CAPN13: variants seen among roughly 807,000 people sequenced by gnomAD.
CAPN13 encodes calpain-13.
CAPN13 carries 90 observed loss-of-function variants against 98.4 expected under a neutral mutation model. That is an observed-to-expected ratio of 0.92 (90% CI 0.77 to 1.09). The LOEUF (loss-of-function observed/expected upper bound fraction) is 1.09, where lower values mean the gene tolerates loss of function less well. CAPN13 is among the 50% of genes least tolerant of loss of function. The pLI is 0.00. For missense variants in CAPN13, 887 were observed against 841.3 expected, an observed-to-expected ratio of 1.05 and a Z score of -0.67; for synonymous variants, 330 against 305.5, an observed-to-expected ratio of 1.08 and a Z score of -0.84.
At chr2:30,788,983 A>C (rs2148078010) in intron 1 of CAPN13, among the ~76,000 whole-genome samples, 1 of 152,316 alleles carries the variant, frequency 6.6e-6, no homozygotes, top group Middle Eastern at 3.4e-3. Context: ...ATAGGGTTTA[A>C]CCTAAGGTAA....
intron 22 of CAPN13, among the ~76,000 whole-genome samples, chr2:30,726,326 G>A (rs1012930006): frequency 6.6e-6 from 1 of 152,190 alleles, no homozygotes; most frequent in Non-Finnish European, 1.5e-5. Context: ...CCAAGATCAG[G>A]AACACAAGGT....
intron 5 of CAPN13, among the ~76,000 whole-genome samples, chr2:30,766,443 G>C (rs1183846550): frequency 6.6e-6 from 1 of 152,254 alleles, no homozygotes; most frequent in East Asian, 1.9e-4. Flanking sequence ...CAGCAGCTGG[G>C]TGTTTTGACA....
intron 5 of CAPN13, among the ~76,000 whole-genome samples, chr2:30,765,056 C>T (rs528172207): frequency 1.3e-5 from 2 of 152,254 alleles, no homozygotes; most frequent in African/African-American, 4.8e-5. Flanking sequence ...TTCCTGCCAC[C>T]CCACCTCCAC....
At chr2:30,800,771 T>G (rs1021876177) in intron 1 of CAPN13, among the ~76,000 whole-genome samples, 5 of 152,226 alleles carry the variant, frequency 3.3e-5, no homozygotes, top group Admixed American at 1.3e-4. Flanking sequence ...GAAACTTGTC[T>G]TTGCATGGAA....
At chr2:30,795,690 C>T (rs1028828427) in intron 1 of CAPN13, among the ~76,000 whole-genome samples, 1 of 152,010 alleles carries the variant, frequency 6.6e-6, no homozygotes. Context: ...ATATCTTCTC[C>T]CAGTTTGTGG....
At chr2:30,743,227 C>T in intron 13 of CAPN13, 156 bp downstream of exon 13, 5 of 711,554 alleles carry the variant, frequency 7.0e-6, no homozygotes, top group South Asian at 5.2e-5. Context: ...TCTCGCTCCC[C>T]CTTTATGGTG....
intron 5 of CAPN13, among the ~76,000 whole-genome samples, chr2:30,766,102 G>A (rs1259727926): frequency 2.0e-5 from 3 of 152,196 alleles, no homozygotes; most frequent in Non-Finnish European, 4.4e-5. Context: ...ACTGGGGTTT[G>A]GGAACCCATT....
At chr2:30,743,614 GCCT>G in intron 12 of CAPN13, 35 bp from the exon 13 acceptor site, 1 of 1,603,822 alleles carries the variant, frequency 6.2e-7, no homozygotes, top group Non-Finnish European at 8.5e-7. Context: ...TTGTGAGAAA[GCCT>G]CCTCTGTGCA....
chr2:30,753,550 C>G (rs1474620717), intron 9 of CAPN13, among the ~76,000 whole-genome samples: 3 of 152,164 alleles, frequency 2.0e-5, no homozygotes, highest in African/African-American at 7.2e-5. Flanking sequence ...AATTGCTTTT[C>G]CCCTAGGGTG....
Position 30,738,417 on chromosome 2 carries a change from T to C in CAPN13, c.1577A>G (p.Asn526Ser). Reference protein sequence around the residue: ...IDATQLQGLLNQELLTGPPGD... With the variant: ...IDATQLQGLLSQELLTGPPGD... Reference sequence around the variant, plus strand: ...GCTCATACCTGTTAGAAGCTCCTGGTTGAGAAGGCCCTGAAGCTGGGTGGC... The same window carrying C: ...GCTCATACCTGTTAGAAGCTCCTGGCTGAGAAGGCCCTGAAGCTGGGTGGC... The change falls in exon 16 of 23, where the codon AAC (asparagine) becomes AGC (serine). Residue 526 changes from asparagine (N) to serine (S), a missense_variant. Physicochemically the swap from Asn to Ser is conservative, Grantham distance 46. Transcript: ENST00000295055. 2 of 1,608,650 alleles carry C rather than the reference T, an allele frequency of 1.2e-6. No individual in the cohort carries two copies. Among genetic ancestry groups the C allele is most frequent in the Non-Finnish European group, 1.7e-6 (2 of 1,177,320 alleles).
At chr2:30,751,464 A>C (rs904742526) in intron 10 of CAPN13, among the ~76,000 whole-genome samples, 1 of 152,264 alleles carries the variant, frequency 6.6e-6, no homozygotes, top group African/African-American at 2.4e-5. Context: ...GAGGTTGTAT[A>C]GTCCCTACTG....
intron 4 of CAPN13, among the ~76,000 whole-genome samples, chr2:30,775,256 G>A (rs1043166175): frequency 1.3e-5 from 2 of 151,964 alleles, no homozygotes; most frequent in Non-Finnish European, 2.9e-5. Context: ...ATTTACATGA[G>A]CCACAAAATC....
intron 2 of CAPN13, among the ~76,000 whole-genome samples, chr2:30,782,254 A>G (rs1208226807): frequency 2.0e-5 from 3 of 152,124 alleles, no homozygotes; most frequent in African/African-American, 4.8e-5. Context: ...ACATCCTCAC[A>G]CGGCATGCCG....
At chr2:30,778,967 G>A (rs1673843594) in intron 2 of CAPN13, among the ~76,000 whole-genome samples, 1 of 152,206 alleles carries the variant, frequency 6.6e-6, no homozygotes, top group African/African-American at 2.4e-5. Context: ...GCTCCAAGTA[G>A]AGCCAGTTTT....
At chr2:30,725,767 A>G (rs956759563) in intron 22 of CAPN13, among the ~76,000 whole-genome samples, 1 of 152,222 alleles carries the variant, frequency 6.6e-6, no homozygotes, top group Admixed American at 6.5e-5. Context: ...AAGTAAGGGA[A>G]TATTGGATAG....
chr2:30,775,830 C>T, intron 4 of CAPN13, 100 bp downstream of exon 4: 1 of 684,872 alleles, frequency 1.5e-6, no homozygotes, highest in Non-Finnish European at 2.2e-6. Context: ...CTGTCACTTT[C>T]ATCTCAGGCT....
intron 1 of CAPN13, among the ~76,000 whole-genome samples, chr2:30,796,812 T>A (rs1674906745): frequency 6.6e-6 from 1 of 152,210 alleles, no homozygotes; most frequent in African/African-American, 2.4e-5. Flanking sequence ...TATGAAAGAT[T>A]TGGCAGGCTC....
chr2:30,794,712 G>A (rs577399193), intron 1 of CAPN13, among the ~76,000 whole-genome samples: 1 of 151,836 alleles, frequency 6.6e-6, no homozygotes, highest in Non-Finnish European at 1.5e-5. Context: ...AAAAAGAAAT[G>A]AATTATTGAT....
chr2:30,738,141 GAAAA>G (rs1188116498), intron 17 of CAPN13, 90 bp downstream of exon 17: 10 of 1,348,694 alleles, frequency 7.4e-6, no homozygotes, highest in Non-Finnish European at 1.1e-5. Flanking sequence ...TACTGAGTGG[GAAAA>G]GGGTTCCCTA....
Sources: gnomAD v4.1 joint callset for allele counts (sites outside exome capture counted in the v4.1 genomes callset) on GRCh38, gnomAD v4.1.1 for gene constraint, MANE v1.5 for transcripts, NCBI Gene and HGNC (gene_info 2026-07-23, HGNC 2026-07-21) for gene names.